Variants in SRGAP2 observed in about 807,000 individuals in gnomAD.
The protein encoded by SRGAP2 is SLIT-ROBO Rho GTPase-activating protein 2.
SRGAP2 carries 15 observed loss-of-function variants against 57.2 expected under a neutral mutation model. The ratio of observed to expected loss-of-function variants is 0.26; its 90% CI spans 0.18 to 0.40. The LOEUF (loss-of-function observed/expected upper bound fraction) is 0.40. Ranked by LOEUF, SRGAP2 falls within the 10% of genes least tolerant of loss-of-function variation. SRGAP2 has a pLI of 1.00. For synonymous variants in SRGAP2, 249 were observed against 248.0 expected (o/e 1.00, Z -0.04); for missense variants, 520 against 669.6 (o/e 0.78, Z 2.47).
intron 12 of SRGAP2, among the ~76,000 whole-genome samples, chr1:206,420,715 G>A (rs534003758): frequency 1.6e-4 from 24 of 152,282 alleles, no homozygotes; most frequent in African/African-American, 5.1e-4. Flanking sequence ...AGGCTTCTGA[G>A]GCTAAACACA....
chr1:206,381,191 T>G (rs1219703997), intron 4 of SRGAP2, among the ~76,000 whole-genome samples: 1 of 152,220 alleles, frequency 6.6e-6, no homozygotes, highest in East Asian at 1.9e-4. Flanking sequence ...CTGTTGTTTT[T>G]GGTTACACTT....
intron 13 of SRGAP2, among the ~76,000 whole-genome samples, chr1:206,425,878 C>A (rs1162708580): frequency 6.8e-6 from 1 of 147,216 alleles, no homozygotes; most frequent in African/African-American, 2.5e-5. Flanking sequence ...TGGAGTTTCA[C>A]TCTTGTCGCC....
chr1:206,324,436 C>CT (rs1394014729), intron 3 of SRGAP2, among the ~76,000 whole-genome samples: 1 of 152,182 alleles, frequency 6.6e-6, no homozygotes, highest in Non-Finnish European at 1.5e-5. Context: ...GACTAGGGAC[C>CT]TTATGTCCTT....
chr1:206,412,934 G>A (rs1572087506), intron 10 of SRGAP2, among the ~76,000 whole-genome samples: 1 of 152,106 alleles, frequency 6.6e-6, no homozygotes, highest in Non-Finnish European at 1.5e-5. Flanking sequence ...TGGTTTCCAC[G>A]CCAGTATTAG....
intron 2 of SRGAP2, among the ~76,000 whole-genome samples, chr1:206,209,603 C>T (rs1391339491): frequency 6.6e-6 from 1 of 152,082 alleles, no homozygotes; most frequent in Non-Finnish European, 1.5e-5. Flanking sequence ...GTTCATGCCT[C>T]TCAATGTCTG....
At chr1:206,341,306 G>C (rs1408226286) in intron 3 of SRGAP2, among the ~76,000 whole-genome samples, 6 of 152,232 alleles carry the variant, frequency 3.9e-5, no homozygotes, top group Admixed American at 3.9e-4. Flanking sequence ...GAGCAGGGAA[G>C]AGAGGAAAGG....
intron 2 of SRGAP2, among the ~76,000 whole-genome samples, chr1:206,276,939 A>G (rs1423656334): frequency 2.0e-5 from 3 of 151,068 alleles, no homozygotes; most frequent in African/African-American, 7.3e-5. Context: ...CTTTTAGGAT[A>G]CATCCCCAAA....
At chr1:206,381,002 A>G (rs1553347072) in intron 4 of SRGAP2, among the ~76,000 whole-genome samples, 2 of 151,906 alleles carry the variant, frequency 1.3e-5, no homozygotes, top group African/African-American at 4.8e-5. Context: ...TGATTGCTAG[A>G]GGCTGTATTG....
At chr1:206,208,857 A>G (rs1330932469) in intron 2 of SRGAP2, among the ~76,000 whole-genome samples, 3 of 152,102 alleles carry the variant, frequency 2.0e-5, no homozygotes, top group African/African-American at 7.2e-5. Context: ...AAAGTGATTC[A>G]GGTTTAAATC....
intron 11 of SRGAP2, among the ~76,000 whole-genome samples, chr1:206,416,908 C>A (rs555105212): frequency 1.4e-3 from 220 of 152,246 alleles, no homozygotes; most frequent in African/African-American, 5.1e-3. Context: ...AAAATAAATT[C>A]TTGAGCACTC....
intron 2 of SRGAP2, among the ~76,000 whole-genome samples, chr1:206,290,197 C>T (rs1465288396): frequency 1.3e-5 from 2 of 152,138 alleles, no homozygotes; most frequent in Admixed American, 6.5e-5. Flanking sequence ...TGTTTCATGA[C>T]ACTTTTCAGT....
intron 2 of SRGAP2, among the ~76,000 whole-genome samples, chr1:206,232,132 CG>C (rs1398985050): frequency 2.6e-5 from 4 of 151,834 alleles, no homozygotes; most frequent in African/African-American, 9.7e-5. Context: ...CAGGCGGCTG[CG>C]TTCAGCGTCT....
intron 2 of SRGAP2, among the ~76,000 whole-genome samples, chr1:206,285,475 CT>C (rs1414641613): frequency 6.6e-6 from 1 of 152,040 alleles, no homozygotes; most frequent in Non-Finnish European, 1.5e-5. Flanking sequence ...CATTGTGTTG[CT>C]GTGGATTAGT....
intron 4 of SRGAP2, among the ~76,000 whole-genome samples, chr1:206,360,925 G>C (rs1328122290): frequency 1.8e-5 from 2 of 114,012 alleles, no homozygotes; most frequent in Non-Finnish European, 3.6e-5. Context: ...TTTAGACATG[G>C]TAAAGGGAAG....
chr1:206,435,248 T>C (rs782547678), intron 14 of SRGAP2, among the ~76,000 whole-genome samples: 1 of 152,238 alleles, frequency 6.6e-6, no homozygotes, highest in Non-Finnish European at 1.5e-5. Flanking sequence ...AAGGTCTAAC[T>C]GATAGAATTC....
intron 2 of SRGAP2, among the ~76,000 whole-genome samples, chr1:206,229,931 TACACACACACACAC>T (rs66901207): frequency 2.1e-5 from 3 of 141,660 alleles, no homozygotes; most frequent in Non-Finnish European, 3.1e-5. Context: ...TACACATACA[TACACACACACACAC>T]ACACACACAC....
chr1:206,262,913 C>T (rs1669653838), intron 2 of SRGAP2, among the ~76,000 whole-genome samples: 1 of 100,978 alleles, frequency 9.9e-6, no homozygotes, highest in Non-Finnish European at 1.9e-5. Flanking sequence ...GAAAACATGA[C>T]GTCAAATTGT....
chr1:206,365,997 A>G (rs1653969460), intron 4 of SRGAP2, among the ~76,000 whole-genome samples: 1 of 152,228 alleles, frequency 6.6e-6, no homozygotes, highest in South Asian at 2.1e-4. Flanking sequence ...TCTGCATTCT[A>G]GAAACAGTAC....
chr1:206,292,813 A>G (rs1671401954), intron 2 of SRGAP2, among the ~76,000 whole-genome samples: 1 of 150,884 alleles, frequency 6.6e-6, no homozygotes, highest in Admixed American at 6.6e-5. Context: ...CTATTTCTAG[A>G]CTTGACCTCT....
Sources: allele counts gnomAD v4.1 joint callset (sites outside exome capture counted in the v4.1 genomes callset), GRCh38; gene constraint gnomAD v4.1.1; transcripts MANE v1.5; gene names NCBI Gene and HGNC (gene_info 2026-07-23, HGNC 2026-07-21).